NCAM2: variants seen among roughly 807,000 people sequenced by gnomAD.
NCAM2 encodes neural cell adhesion molecule 2.
A neutral mutation model predicts 98.1 loss-of-function variants in NCAM2; 30 were observed. The observed-to-expected ratio is 0.31, with a 90% CI of 0.23 to 0.41. The LOEUF (loss-of-function observed/expected upper bound fraction) is 0.41, where lower values mean the gene tolerates loss of function less well. Ranked by LOEUF, NCAM2 falls within the 10% of genes least tolerant of loss-of-function variation. The pLI, the probability that NCAM2 is intolerant of heterozygous loss-of-function variation, is 1.00. For synonymous variants in NCAM2, 368 were observed against 342.4 expected, an observed-to-expected ratio of 1.07 and a Z score of -0.83; for missense variants, 867 against 1,005.8, an observed-to-expected ratio of 0.86 and a Z score of 1.87.
intron 12 of NCAM2, among the ~76,000 whole-genome samples, chr21:21,452,928 A>AAT (rs1448146788): frequency 1.0e-5 from 1 of 97,814 alleles, no homozygotes; most frequent in Non-Finnish European, 1.8e-5. Flanking sequence ...TATATTATAT[A>AAT]ATATATATAA....
chr21:21,480,239 C>G (rs1016794215), intron 15 of NCAM2, among the ~76,000 whole-genome samples: 1 of 151,496 alleles, frequency 6.6e-6, no homozygotes, highest in Non-Finnish European at 1.5e-5. Flanking sequence ...TACTGGCGGG[C>G]GCCTGTTGTC....
At chr21:21,294,341 C>G (rs1362606734) in intron 5 of NCAM2, among the ~76,000 whole-genome samples, 1 of 151,742 alleles carries the variant, frequency 6.6e-6, no homozygotes, top group African/African-American at 2.4e-5. Flanking sequence ...TATTTCTATA[C>G]TTATTTATTT....
At chr21:21,347,870 C>A (rs1000845547) in intron 8 of NCAM2, among the ~76,000 whole-genome samples, 14 of 151,950 alleles carry the variant, frequency 9.2e-5, no homozygotes, top group Admixed American at 7.9e-4. Flanking sequence ...ACCATATGAT[C>A]ATTTCATTTG....
intron 1 of NCAM2, among the ~76,000 whole-genome samples, chr21:21,052,051 G>A (rs1040038584): frequency 6.6e-6 from 1 of 151,780 alleles, no homozygotes. Flanking sequence ...GAGGTTTGGA[G>A]TATGAACGAA....
intron 9 of NCAM2, among the ~76,000 whole-genome samples, chr21:21,375,744 G>A (rs761028265): frequency 2.1e-4 from 31 of 148,302 alleles, no homozygotes; most frequent in Admixed American, 6.7e-5. Context: ...GAATCTAAAT[G>A]AAGAAAAAAA....
rs180782666 is a variant in NCAM2, at chr21:21,132,810, T to G, written c.55+134192T>G. Reference sequence around the variant, plus strand: ...TAAACTTGCAACATAATGAATATTTTTTAAAATGAATAACCACATAACCAC... The same window carrying G: ...TAAACTTGCAACATAATGAATATTTGTTAAAATGAATAACCACATAACCAC... On this transcript the variant is annotated intron_variant, in intron 1 of 17. Transcript: ENST00000400546. Among the ~76,000 whole-genome samples, 431 of 152,086 alleles carry G rather than the reference T, an allele frequency of 2.8e-3. 1 individual carries two copies. The highest frequency in any genetic ancestry group is 3.7e-3 in the Non-Finnish European group (251 of 67,974).
intron 16 of NCAM2, among the ~76,000 whole-genome samples, chr21:21,517,684 C>A (rs775013784): frequency 3.3e-5 from 5 of 151,974 alleles, no homozygotes; most frequent in African/African-American, 1.2e-4. Context: ...ATAGCTAAAC[C>A]CTGTCTTTAC....
chr21:21,399,309 A>T (rs1296424679), intron 9 of NCAM2, among the ~76,000 whole-genome samples: 1 of 152,220 alleles, frequency 6.6e-6, no homozygotes, highest in Non-Finnish European at 1.5e-5. Flanking sequence ...GGAGTTAGTT[A>T]TGACAGTTCT....
At chr21:21,389,677 T>C (rs777530106) in intron 9 of NCAM2, among the ~76,000 whole-genome samples, 3 of 152,174 alleles carry the variant, frequency 2.0e-5, no homozygotes, top group Non-Finnish European at 4.4e-5. Context: ...AGTGAGAACA[T>C]TGTCTTTTAC....
chr21:21,016,551 GTCT>G lies in NCAM2; in HGVS notation c.55+17937_55+17939del, dbSNP rs56948837. ...CTCAGTCTGATGGGCAAAAAGAGTT[GTCT>G]TCTACCAGCCAAGTTGCCATAAAAG... On this transcript the variant is annotated intron_variant, in intron 1 of 17. Coordinates refer to ENST00000400546, the MANE Select transcript of NCAM2 (RefSeq NM_004540.5). Among the ~76,000 whole-genome samples, 1,163 of 152,118 alleles carry G rather than the reference GTCT, an allele frequency of 7.6e-3. 10 individuals carry two copies. Among genetic ancestry groups the G allele is most frequent in the African/African-American group, 0.026 (1,072 of 41,510 alleles).
chr21:21,328,261 C>G (rs563070412), intron 6 of NCAM2, among the ~76,000 whole-genome samples: 2 of 152,024 alleles, frequency 1.3e-5, no homozygotes, highest in African/African-American at 4.8e-5. Flanking sequence ...TATATAAAAG[C>G]ATATACATAT....
chr21:21,363,344 C>A (rs2075696662), intron 8 of NCAM2, among the ~76,000 whole-genome samples: 1 of 152,088 alleles, frequency 6.6e-6, no homozygotes, highest in Non-Finnish European at 1.5e-5. Context: ...CATAAGTTGT[C>A]ATATTGCAGA....
chr21:21,270,428 A>G (rs1268268400), intron 1 of NCAM2, among the ~76,000 whole-genome samples: 1 of 152,184 alleles, frequency 6.6e-6, no homozygotes, highest in African/African-American at 2.4e-5. Flanking sequence ...ATTAAATGAT[A>G]TAAGACAAAA....
chr21:21,024,557 A>C (rs2064502270), intron 1 of NCAM2, among the ~76,000 whole-genome samples: 1 of 152,152 alleles, frequency 6.6e-6, no homozygotes, highest in South Asian at 2.1e-4. Flanking sequence ...CAGTTGTCCA[A>C]CTTAAGTAGA....
intron 1 of NCAM2, among the ~76,000 whole-genome samples, chr21:21,089,885 A>G (rs1334027427): frequency 6.6e-6 from 1 of 152,132 alleles, no homozygotes; most frequent in Non-Finnish European, 1.5e-5. Flanking sequence ...TGGCCACTCT[A>G]TTTACTTATT....
intron 1 of NCAM2, among the ~76,000 whole-genome samples, chr21:21,177,620 T>C (rs2068336835): frequency 1.3e-5 from 2 of 152,116 alleles, no homozygotes; most frequent in South Asian, 4.1e-4. Flanking sequence ...ATGACATTAA[T>C]TTTTAATGAA....
intron 1 of NCAM2, among the ~76,000 whole-genome samples, chr21:21,092,244 G>T (rs1269303569): frequency 6.6e-6 from 1 of 151,962 alleles, no homozygotes; most frequent in Non-Finnish European, 1.5e-5. Flanking sequence ...TTATGTGGTA[G>T]ATACAAAACT....
At chr21:21,050,002 G>A (rs1449161673) in intron 1 of NCAM2, among the ~76,000 whole-genome samples, 1 of 152,008 alleles carries the variant, frequency 6.6e-6, no homozygotes, top group Non-Finnish European at 1.5e-5. Flanking sequence ...ATTTCCTTAG[G>A]TTAATGGACA....
intron 1 of NCAM2, among the ~76,000 whole-genome samples, chr21:21,078,194 A>G (rs929955751): frequency 2.0e-5 from 3 of 152,180 alleles, no homozygotes; most frequent in African/African-American, 7.2e-5. Flanking sequence ...GCTTATTCTC[A>G]GCCATTTTTA....
Sources: allele counts gnomAD v4.1 joint callset (sites outside exome capture counted in the v4.1 genomes callset), GRCh38; gene constraint gnomAD v4.1.1; transcripts MANE v1.5; gene names NCBI Gene and HGNC (gene_info 2026-07-23, HGNC 2026-07-21).